Variants in NTNG1 observed in about 807,000 individuals in gnomAD.
NTNG1 encodes netrin-G1.
In NTNG1, 16 loss-of-function variants were observed where a neutral mutation model predicts 54.0. The ratio of observed to expected loss-of-function variants is 0.30; its 90% CI spans 0.20 to 0.45. The LOEUF (loss-of-function observed/expected upper bound fraction) is 0.45. Ranked by LOEUF, NTNG1 falls within the 20% of genes least tolerant of loss-of-function variation. The pLI is 1.00. For missense variants in NTNG1, 530 were observed against 678.7 expected, an observed-to-expected ratio of 0.78 and a Z score of 2.43; for synonymous variants, 255 against 263.1, an observed-to-expected ratio of 0.97 and a Z score of 0.30.
chr1:107,212,325 G>T (rs1659651317), intron 2 of NTNG1, among the ~76,000 whole-genome samples: 1 of 152,108 alleles, frequency 6.6e-6, no homozygotes, highest in Non-Finnish European at 1.5e-5. Flanking sequence ...CTCTTTGCCA[G>T]AGACTGTACC....
chr1:107,347,321 T>A (rs1444232837), intron 3 of NTNG1, among the ~76,000 whole-genome samples: 1 of 151,930 alleles, frequency 6.6e-6, no homozygotes, highest in Non-Finnish European at 1.5e-5. Context: ...CAAGATCAGA[T>A]AGGCAATATA....
chr1:107,285,003 A>C (rs1219276127), intron 2 of NTNG1, among the ~76,000 whole-genome samples: 1 of 152,134 alleles, frequency 6.6e-6, no homozygotes, highest in Admixed American at 6.6e-5. Flanking sequence ...TATCTCACTG[A>C]TTGTCAATCA....
chr1:107,176,153 G>A (rs1656629632), intron 2 of NTNG1, among the ~76,000 whole-genome samples: 1 of 152,102 alleles, frequency 6.6e-6, no homozygotes. Flanking sequence ...AAGTTTTGTT[G>A]CCAGTAAATT....
At chr1:107,152,494 A>AT (rs1309109096) in intron 2 of NTNG1, among the ~76,000 whole-genome samples, 11 of 152,138 alleles carry the variant, frequency 7.2e-5, no homozygotes, top group Non-Finnish European at 1.6e-4. Flanking sequence ...AAAATGGCAA[A>AT]ATTATCTGCA....
chr1:107,475,068 C>A (rs1678226783), intron 7 of NTNG1, among the ~76,000 whole-genome samples: 1 of 152,140 alleles, frequency 6.6e-6, no homozygotes, highest in South Asian at 2.1e-4. Flanking sequence ...TGTGGTAAAA[C>A]CCTAGGATGA....
intron 3 of NTNG1, among the ~76,000 whole-genome samples, chr1:107,367,531 T>G (rs1670669928): frequency 6.6e-6 from 1 of 152,310 alleles, no homozygotes; most frequent in Admixed American, 6.5e-5. Context: ...AATACCTTTA[T>G]GCCTGTGGAT....
chr1:107,470,109 G>A (rs145393242), intron 7 of NTNG1, among the ~76,000 whole-genome samples: 18 of 152,254 alleles, frequency 1.2e-4, no homozygotes, highest in Non-Finnish European at 2.4e-4. Context: ...GCAAGCCAAG[G>A]AATCAAGTCT....
intron 2 of NTNG1, among the ~76,000 whole-genome samples, chr1:107,254,567 T>C (rs892996846): frequency 2.6e-5 from 4 of 152,218 alleles, no homozygotes; most frequent in African/African-American, 9.6e-5. Context: ...GGAAACTTCA[T>C]GGGGTTATGT....
intron 2 of NTNG1, among the ~76,000 whole-genome samples, chr1:107,311,993 C>T (rs758304911): frequency 9.9e-5 from 15 of 151,986 alleles, no homozygotes; most frequent in Non-Finnish European, 1.9e-4. Flanking sequence ...ATGGTACGCT[C>T]GAAGGGTAGT....
Position 107,443,314 on chromosome 1 carries a change from T to C in NTNG1, c.1390+6515T>C, listed in dbSNP as rs562584220. Among the ~76,000 whole-genome samples, 25 of 152,260 alleles carry C rather than the reference T, an allele frequency of 1.6e-4. No homozygotes were observed. In the South Asian group the frequency reaches 5.2e-3, roughly 32 times the overall value. ...CTTCTGGTTTCCAAAAGTCAGAAACTAGAGACTTAAATAACTCCTTTTATT... is the reference window on the plus strand; with the variant it reads ...CTTCTGGTTTCCAAAAGTCAGAAACCAGAGACTTAAATAACTCCTTTTATT... On this transcript the variant is annotated intron_variant, in intron 7 of 7. Coordinates refer to ENST00000370068, the MANE Select transcript of NTNG1 (RefSeq NM_001113226.3).
At chr1:107,310,148 T>G (rs1326972987) in intron 2 of NTNG1, among the ~76,000 whole-genome samples, 1 of 152,166 alleles carries the variant, frequency 6.6e-6, no homozygotes, top group African/African-American at 2.4e-5. Flanking sequence ...ATATGACACA[T>G]TTTTCAAAAC....
In NTNG1 at chr1:107,407,980, C is replaced by G. The variant is rs573378341; in HGVS notation, c.1087+272C>G. The G allele has an allele frequency of 4.6e-6, 3 of 653,798 alleles. No homozygotes were observed. The African/African-American group carries it at 5.3e-5, about 12-fold the overall frequency. 40.5% of individuals were successfully genotyped at this position (653,798 alleles called of 1,614,324 possible). Reference sequence around the variant, plus strand: ...GGGCTACCTAGACTCAGGTGCAATTCCTTAGATAATCATCATTCAGGAAAA... The same window carrying G: ...GGGCTACCTAGACTCAGGTGCAATTGCTTAGATAATCATCATTCAGGAAAA... On this transcript the variant is annotated intron_variant, in intron 5 of 7. Transcript: ENST00000370068.
At chr1:107,351,832 C>G (rs1053556310) in intron 3 of NTNG1, among the ~76,000 whole-genome samples, 1 of 152,216 alleles carries the variant, frequency 6.6e-6, no homozygotes, top group South Asian at 2.1e-4. Flanking sequence ...AAATCAAAAA[C>G]AAGTTAGTTA....
At chr1:107,234,732 C>T (rs1436222548) in intron 2 of NTNG1, among the ~76,000 whole-genome samples, 2 of 152,268 alleles carry the variant, frequency 1.3e-5, no homozygotes, top group South Asian at 4.2e-4. Context: ...CAACTGGTCC[C>T]CATGGAGAAA....
At chr1:107,212,076 T>A (rs1179660125) in intron 2 of NTNG1, among the ~76,000 whole-genome samples, 1 of 152,032 alleles carries the variant, frequency 6.6e-6, no homozygotes. Flanking sequence ...AAGGAGAAAA[T>A]CAGAACTAGA....
chr1:107,256,577 G>A (rs1457823332), intron 2 of NTNG1, among the ~76,000 whole-genome samples: 1 of 152,132 alleles, frequency 6.6e-6, no homozygotes, highest in Non-Finnish European at 1.5e-5. Flanking sequence ...GTGTCCCAAG[G>A]GAAGACAGAA....
intron 4 of NTNG1, among the ~76,000 whole-genome samples, chr1:107,404,190 G>A (rs1421795610): frequency 2.0e-5 from 3 of 151,694 alleles, no homozygotes; most frequent in Non-Finnish European, 2.9e-5. Flanking sequence ...GTCTGCACTT[G>A]CCCCTGGGTG....
chr1:107,376,935 T>C (rs977078861), intron 3 of NTNG1, among the ~76,000 whole-genome samples: 4 of 152,196 alleles, frequency 2.6e-5, no homozygotes, highest in Non-Finnish European at 4.4e-5. Flanking sequence ...TGCCTCTGCC[T>C]ACTTATTCAT....
chr1:107,271,470 A>G (rs1011617188), intron 2 of NTNG1, among the ~76,000 whole-genome samples: 2 of 152,170 alleles, frequency 1.3e-5, no homozygotes, highest in African/African-American at 2.4e-5. Context: ...TTAATTCCCT[A>G]TACTCAGAAG....
Sources: gnomAD v4.1 joint callset for allele counts (sites outside exome capture counted in the v4.1 genomes callset) on GRCh38, gnomAD v4.1.1 for gene constraint, MANE v1.5 for transcripts, NCBI Gene and HGNC (gene_info 2026-07-23, HGNC 2026-07-21) for gene names.